Variants in ZNF407 observed in about 807,000 individuals in gnomAD.
ZNF407 encodes zinc finger protein 407.
In ZNF407, 17 loss-of-function variants were observed where a neutral mutation model predicts 131.2. That is an observed-to-expected ratio of 0.13 (90% confidence interval 0.09 to 0.19). ZNF407 has a LOEUF of 0.19. Among genes scored for constraint, ZNF407 ranks in the 10% least tolerant of loss-of-function variants. The pLI is 1.00. For missense variants in ZNF407, 2,681 were observed against 2,830.6 expected (o/e 0.95, Z 1.20); for synonymous variants, 1,156 against 1,062.0 (o/e 1.09, Z -1.72).
At chr18:74,888,536 A>G (rs560918402) in intron 6 of ZNF407, among the ~76,000 whole-genome samples, 12 of 152,292 alleles carry the variant, frequency 7.9e-5, no homozygotes, top group African/African-American at 2.9e-4. Context: ...TTTTCATCTG[A>G]AATATATGAT....
intron 7 of ZNF407, among the ~76,000 whole-genome samples, chr18:74,913,429 G>A (rs1400242059): frequency 6.6e-6 from 1 of 152,204 alleles, no homozygotes; most frequent in Non-Finnish European, 1.5e-5. Flanking sequence ...AGATAAGCGT[G>A]CCCTTCGGTG....
intron 3 of ZNF407, among the ~76,000 whole-genome samples, chr18:74,706,187 T>G (rs1967619652): frequency 6.6e-6 from 1 of 152,246 alleles, no homozygotes. Context: ...TTCTTTAATT[T>G]CAAATTGTTG....
intron 4 of ZNF407, among the ~76,000 whole-genome samples, chr18:74,783,714 C>T (rs748513140): frequency 6.6e-6 from 1 of 152,140 alleles, no homozygotes; most frequent in South Asian, 2.1e-4. Flanking sequence ...CAGATATTGA[C>T]ACTGTTTTTG....
At chr18:74,664,490 G>A (rs537605179) in intron 3 of ZNF407, among the ~76,000 whole-genome samples, 68 of 152,130 alleles carry the variant, frequency 4.5e-4, no homozygotes, top group Admixed American at 5.9e-4. Flanking sequence ...GTGAGACTCC[G>A]TCTCAAAAAC....
intron 6 of ZNF407, among the ~76,000 whole-genome samples, chr18:74,886,564 A>G (rs774825373): frequency 5.3e-5 from 8 of 152,248 alleles, no homozygotes; most frequent in Non-Finnish European, 7.3e-5. Flanking sequence ...CTACTCTGCA[A>G]CGAAAATAAG....
intron 4 of ZNF407, among the ~76,000 whole-genome samples, chr18:74,808,583 G>A (rs1165166752): frequency 2.0e-5 from 3 of 152,160 alleles, no homozygotes; most frequent in Non-Finnish European, 2.9e-5. Flanking sequence ...AATGGTAAAT[G>A]TAAATGTTAC....
At chr18:75,042,631 T>C (rs1226311084) in intron 8 of ZNF407, among the ~76,000 whole-genome samples, 1 of 152,216 alleles carries the variant, frequency 6.6e-6, no homozygotes, top group Admixed American at 6.5e-5. Context: ...CTTTTTTAGG[T>C]ATACAGTTGG....
At chr18:74,949,396 G>T (rs1246095604) in intron 8 of ZNF407, among the ~76,000 whole-genome samples, 1 of 152,080 alleles carries the variant, frequency 6.6e-6, no homozygotes, top group Non-Finnish European at 1.5e-5. Flanking sequence ...TGAGCTTGCT[G>T]GCTCTTCCTG....
At chr18:74,829,001 G>T (rs190827263) in intron 4 of ZNF407, among the ~76,000 whole-genome samples, 116 of 152,292 alleles carry the variant, frequency 7.6e-4, no homozygotes, top group Admixed American at 1.3e-3. Flanking sequence ...GGCCCCACAT[G>T]TTATGTTGGT....
chr18:74,607,762 T>C (rs1347247509), intron 1 of ZNF407, among the ~76,000 whole-genome samples: 1 of 152,186 alleles, frequency 6.6e-6, no homozygotes, highest in East Asian at 1.9e-4. Flanking sequence ...CATCAGGCCC[T>C]AGCACACTTA....
At chr18:74,686,239 C>T (rs1967094204) in intron 3 of ZNF407, among the ~76,000 whole-genome samples, 1 of 152,156 alleles carries the variant, frequency 6.6e-6, no homozygotes, top group African/African-American at 2.4e-5. Context: ...TTAGAACTCC[C>T]TCCTTCAATA....
chr18:75,053,076 C>T (rs1973521168), intron 8 of ZNF407, among the ~76,000 whole-genome samples: 1 of 152,202 alleles, frequency 6.6e-6, no homozygotes, highest in East Asian at 1.9e-4. Flanking sequence ...TTGGCCCCAG[C>T]CCCATGACAC....
chr18:74,960,390 A>C (rs1972326374), intron 8 of ZNF407, among the ~76,000 whole-genome samples: 1 of 148,692 alleles, frequency 6.7e-6, no homozygotes, highest in Non-Finnish European at 1.5e-5. Context: ...GGATAGGAGA[A>C]GGTCCTGAGT....
At chr18:74,808,964 C>T (rs75747230) in intron 4 of ZNF407, among the ~76,000 whole-genome samples, 3,211 of 152,220 alleles carry the variant, frequency 0.021, 37 homozygotes, top group Middle Eastern at 0.034. Context: ...CCTCCTCCTC[C>T]TCCAAATCAT....
intron 4 of ZNF407, 104 bp downstream of exon 4, chr18:74,781,606 C>T (rs887846063): frequency 3.8e-6 from 3 of 789,276 alleles, no homozygotes; most frequent in Non-Finnish European, 5.7e-6. Context: ...ATCAGTTAAT[C>T]ATGTTTCTAT....
intron 8 of ZNF407, among the ~76,000 whole-genome samples, chr18:74,979,614 G>T (rs1972566036): frequency 6.6e-6 from 1 of 152,134 alleles, no homozygotes; most frequent in African/African-American, 2.4e-5. Flanking sequence ...TTTAATGTAT[G>T]ATGAATTCAT....
intron 3 of ZNF407, among the ~76,000 whole-genome samples, chr18:74,754,686 G>T (rs975053530): frequency 1.3e-5 from 2 of 152,100 alleles, no homozygotes; most frequent in Non-Finnish European, 2.9e-5. Flanking sequence ...TCCTGAGTTT[G>T]AGTTTGATTG....
At chr18:75,001,120 G>T (rs1228043548) in intron 8 of ZNF407, among the ~76,000 whole-genome samples, 4 of 152,174 alleles carry the variant, frequency 2.6e-5, no homozygotes, top group Non-Finnish European at 5.9e-5. Context: ...CCGGAGCCCA[G>T]CCTCCGCAGT....
At chr18:75,033,935 GA>G (rs1290151800) in intron 8 of ZNF407, among the ~76,000 whole-genome samples, 14 of 152,076 alleles carry the variant, frequency 9.2e-5, no homozygotes, top group Admixed American at 9.2e-4. Context: ...TATTTATAGT[GA>G]AAATGTATTA....
Sources: allele counts gnomAD v4.1 joint callset (sites outside exome capture counted in the v4.1 genomes callset), GRCh38; gene constraint gnomAD v4.1.1; transcripts MANE v1.5; gene names NCBI Gene and HGNC (gene_info 2026-07-23, HGNC 2026-07-21).